ZNF735: variants seen among roughly 807,000 people sequenced by gnomAD.
ZNF735 encodes putative zinc finger protein 735.
In ZNF735, 11 loss-of-function variants were observed where a neutral mutation model predicts 13.4. The observed-to-expected ratio is 0.82, with a 90% CI of 0.52 to 1.36. ZNF735 has a LOEUF of 1.36. Ranked by LOEUF, ZNF735 falls within the 40% of genes most tolerant of loss-of-function variation. ZNF735 has a pLI of 0.00. For missense variants in ZNF735, 500 were observed against 484.6 expected, an observed-to-expected ratio of 1.03 and a Z score of -0.30; for synonymous variants, 171 against 162.6, an observed-to-expected ratio of 1.05 and a Z score of -0.39.
In ZNF735 at chr7:64,219,385, C is replaced by T. The variant is rs750019403; in HGVS notation, c.334C>T (p.Pro112Ser). The T allele has an allele frequency of 5.6e-6, 9 of 1,613,598 alleles. No homozygotes were observed. In the African/African-American group the frequency reaches 8.0e-5, roughly 14 times the overall value. Reference sequence around the variant, plus strand: ...AAAAGATTCACTCCAAAAAGTAATACCAAGAACATATGGAAAATGTGGACA... The same window carrying T: ...AAAAGATTCACTCCAAAAAGTAATATCAAGAACATATGGAAAATGTGGACA... Residue 112 changes from proline (P) to serine (S), a missense_variant, in exon 4 of 4, where the codon CCA becomes TCA. By Grantham distance (74) the Pro-to-Ser change is moderately conservative. Coordinates refer to ENST00000429565, the Ensembl canonical transcript of ZNF735.
At chr7:64,220,195 A>G in exon 4 of ZNF735, 1 of 1,613,072 alleles carries the variant, frequency 6.2e-7, no homozygotes, top group Non-Finnish European at 8.5e-7. Context: ...GAAACCATAC[A>G]AATGTGAAGA....
At chr7:64,212,167 C>T (rs1787368415) in intron 1 of ZNF735, among the ~76,000 whole-genome samples, 1 of 152,106 alleles carries the variant, frequency 6.6e-6, no homozygotes, top group Admixed American at 6.5e-5. Flanking sequence ...TGGAAGCTGT[C>T]CTTTCTTTTT....
intron 1 of ZNF735, among the ~76,000 whole-genome samples, chr7:64,210,140 C>T (rs1298920334): frequency 3.3e-5 from 5 of 152,074 alleles, no homozygotes; most frequent in African/African-American, 1.2e-4. Flanking sequence ...TGTGTTATTC[C>T]CAGCACAGTG....
chr7:64,220,201 G>A lies in ZNF735; in HGVS notation c.1150G>A (p.Glu384Lys). 10 of 1,612,976 alleles carry A rather than the reference G, an allele frequency of 6.2e-6. No homozygotes were observed. The highest frequency in any genetic ancestry group is 7.6e-6 in the Non-Finnish European group (9 of 1,179,562). Reference sequence around the variant, plus strand: ...TACTGGAGAGAAACCATACAAATGTGAAGAATGTGACAAAGCTTTTAAGTG... The same window carrying A: ...TACTGGAGAGAAACCATACAAATGTAAAGAATGTGACAAAGCTTTTAAGTG... Residue 384 changes from glutamate to lysine, a missense_variant, in exon 4 of 4, where the codon GAA (glutamate) becomes AAA (lysine). Coordinates refer to ENST00000429565, the Ensembl canonical transcript of ZNF735.
chr7:64,218,535 T>C (rs1312034030), intron 3 of ZNF735, among the ~76,000 whole-genome samples: 1 of 152,144 alleles, frequency 6.6e-6, no homozygotes, highest in Non-Finnish European at 1.5e-5. Flanking sequence ...TTGTTGACAT[T>C]CTCATTTATC....
intron 3 of ZNF735, 97 bp downstream of exon 3, chr7:64,214,205 T>C: frequency 1.5e-6 from 2 of 1,296,184 alleles, no homozygotes; most frequent in Non-Finnish European, 2.1e-6. Context: ...GCTGTGCTTT[T>C]ATGGAAAGAG....
At chr7:64,218,080 C>G (rs370491944) in intron 3 of ZNF735, among the ~76,000 whole-genome samples, 6 of 152,016 alleles carry the variant, frequency 3.9e-5, no homozygotes, top group African/African-American at 1.4e-4. Context: ...AGTGGAAAGA[C>G]CTCTTTTCAG....
Position 64,217,488 on chromosome 7 carries a change from T to A in ZNF735, c.263-1826T>A, listed in dbSNP as rs547629320. On this transcript the variant is annotated intron_variant, in intron 3 of 3. Transcript: ENST00000429565. ...TTTCTGTTTTTTTTAATTGATTTTT[T>A]ATTTAAATTTTTTATTTATTATTGA... Among the ~76,000 whole-genome samples the A allele has an allele frequency of 2.2e-3, 337 of 152,202 alleles. 1 individual carries two copies. The highest frequency in any genetic ancestry group is 6.7e-3 in the African/African-American group (278 of 41,576).
intron 1 of ZNF735, among the ~76,000 whole-genome samples, chr7:64,211,448 A>G (rs1787359248): frequency 6.6e-6 from 1 of 152,190 alleles, no homozygotes; most frequent in Admixed American, 6.5e-5. Flanking sequence ...TTCTGAAAAA[A>G]CTATTAGGAG....
chr7:64,218,936 G>A (rs1442174176), intron 3 of ZNF735, among the ~76,000 whole-genome samples: 3 of 152,094 alleles, frequency 2.0e-5, no homozygotes, highest in Non-Finnish European at 4.4e-5. Flanking sequence ...TTCTGTCCAT[G>A]ATAGTGCAGT....
intron 3 of ZNF735, 111 bp from the exon 4 acceptor site, chr7:64,219,203 T>G (rs1283507169): frequency 3.7e-6 from 5 of 1,353,548 alleles, no homozygotes; most frequent in Non-Finnish European, 5.0e-6. Context: ...CTGTGGTATT[T>G]TGATATGCCA....
chr7:64,212,151 T>C (rs995693686), intron 1 of ZNF735, among the ~76,000 whole-genome samples: 2 of 152,158 alleles, frequency 1.3e-5, no homozygotes, highest in Non-Finnish European at 2.9e-5. Context: ...ACGATCACAT[T>C]TAATCTGGAA....
intron 3 of ZNF735, among the ~76,000 whole-genome samples, chr7:64,218,243 G>A (rs1488312565): frequency 6.7e-6 from 1 of 149,482 alleles, no homozygotes; most frequent in Non-Finnish European, 1.5e-5. Context: ...ATTTTACACA[G>A]TTCTTTTCTG....
In ZNF735 at chr7:64,213,028, A is replaced by C. The variant is rs577211323; in HGVS notation, c.40-64A>C. ...TCTCTTTTTTAACTTGAGTCAAATA[A>C]AAATCTCTGCTTACGGCCATATGGT... On this transcript the variant is annotated intron_variant, in intron 1 of 3. Coordinates refer to ENST00000429565, the Ensembl canonical transcript of ZNF735. 1.3e-4 allele frequency: 201 copies of C among 1,514,338 alleles called. 1 individual carries two copies. In the South Asian group the frequency reaches 1.9e-3, roughly 15 times the overall value. 93.8% of individuals were successfully genotyped at this position (1,514,338 alleles called of 1,614,324 possible). A position where few individuals can be genotyped will look rare whatever the true frequency, so the allele number is the denominator to read the frequency against.
intron 1 of ZNF735, 125 bp downstream of exon 1, chr7:64,207,366 T>C (rs145362175): frequency 0.018 from 28,831 of 1,583,110 alleles, 338 homozygotes; most frequent in Non-Finnish European, 0.022. Context: ...AAATCCTCCT[T>C]GGCCCAGTTC....
At chr7:64,216,309 T>A (rs555171158) in intron 3 of ZNF735, among the ~76,000 whole-genome samples, 10 of 147,982 alleles carry the variant, frequency 6.8e-5, no homozygotes, top group East Asian at 5.9e-4. Context: ...AAAAAAAAAA[T>A]TTAAACAATA....
At chr7:64,218,767 T>A (rs1366627928) in intron 3 of ZNF735, among the ~76,000 whole-genome samples, 1 of 152,196 alleles carries the variant, frequency 6.6e-6, no homozygotes, top group Non-Finnish European at 1.5e-5. Context: ...TGCAGCTCTT[T>A]CTTGGCATAG....
chr7:64,209,976 T>G (rs765017232), intron 1 of ZNF735, among the ~76,000 whole-genome samples: 49 of 152,198 alleles, frequency 3.2e-4, no homozygotes, highest in Non-Finnish European at 5.9e-4. Flanking sequence ...GTATGTTTTT[T>G]GTATTGAATT....
chr7:64,218,556 T>TTTTCCA (rs1395097715), intron 3 of ZNF735, among the ~76,000 whole-genome samples: 1 of 152,136 alleles, frequency 6.6e-6, no homozygotes, highest in East Asian at 1.9e-4. Context: ...TGATGTCTGG[T>TTTTCCA]TTTCCATTTT....
Sources: gnomAD v4.1 joint callset for allele counts (sites outside exome capture counted in the v4.1 genomes callset) on GRCh38, gnomAD v4.1.1 for gene constraint, MANE v1.5 for transcripts, NCBI Gene and HGNC (gene_info 2026-07-23, HGNC 2026-07-21) for gene names.